MGMT: variants seen among roughly 807,000 people sequenced by gnomAD.
MGMT encodes the protein O-6-methylguanine-DNA methyltransferase.
Under a neutral mutation model 15.9 loss-of-function variants are expected in MGMT, and 14 were observed. The observed-to-expected ratio is 0.88, with a 90% CI of 0.58 to 1.37. The LOEUF (loss-of-function observed/expected upper bound fraction) is 1.37. Among genes scored for constraint, MGMT ranks in the 40% most tolerant of loss-of-function variants. MGMT has a pLI of 0.00. For synonymous variants in MGMT, 130 were observed against 118.2 expected (o/e 1.10, Z -0.65); for missense variants, 282 against 268.1 (o/e 1.05, Z -0.36).
At chr10:129,492,821 T>A (rs1002331400) in intron 1 of MGMT, among the ~76,000 whole-genome samples, 1 of 152,230 alleles carries the variant, frequency 6.6e-6, no homozygotes, top group African/African-American at 2.4e-5. Context: ...TGTGGGAACA[T>A]TGGGCTGCCT....
intron 1 of MGMT, among the ~76,000 whole-genome samples, chr10:129,512,254 T>C (rs1845692129): frequency 6.6e-6 from 1 of 152,188 alleles, no homozygotes; most frequent in South Asian, 2.1e-4. Flanking sequence ...TAGTACTGCT[T>C]GCTTCTTGTT....
At chr10:129,603,807 A>G (rs1269050351) in intron 2 of MGMT, among the ~76,000 whole-genome samples, 1 of 152,216 alleles carries the variant, frequency 6.6e-6, no homozygotes, top group African/African-American at 2.4e-5. Context: ...TAAGGGCTGT[A>G]TTGAAAATAA....
intron 1 of MGMT, among the ~76,000 whole-genome samples, chr10:129,508,095 T>TA (rs1241390903): frequency 6.6e-6 from 1 of 152,166 alleles, no homozygotes; most frequent in Non-Finnish European, 1.5e-5. Context: ...CCCTAATTCT[T>TA]AGGGACCTCT....
At chr10:129,741,772 T>C (rs1365371944) in intron 3 of MGMT, among the ~76,000 whole-genome samples, 2 of 152,086 alleles carry the variant, frequency 1.3e-5, no homozygotes, top group South Asian at 2.1e-4. Flanking sequence ...CCTGAGTCGG[T>C]TGAGACTCAT....
chr10:129,739,114 C>G (rs765878028), intron 3 of MGMT, among the ~76,000 whole-genome samples: 3 of 152,196 alleles, frequency 2.0e-5, no homozygotes, highest in Non-Finnish European at 4.4e-5. Flanking sequence ...GCGCTTCATG[C>G]TAAAAACTCT....
At chr10:129,652,718 T>G (rs1369850432) in intron 2 of MGMT, among the ~76,000 whole-genome samples, 2 of 152,082 alleles carry the variant, frequency 1.3e-5, no homozygotes, top group Non-Finnish European at 2.9e-5. Context: ...GAGAGTCAGC[T>G]GGTGCCAGAT....
At chr10:129,505,535 C>CT (rs1182283055) in intron 1 of MGMT, among the ~76,000 whole-genome samples, 1 of 152,146 alleles carries the variant, frequency 6.6e-6, no homozygotes, top group Non-Finnish European at 1.5e-5. Context: ...CACGGTGGTT[C>CT]TTTGTCTTAC....
chr10:129,667,654 G>A (rs1435010040), intron 2 of MGMT, among the ~76,000 whole-genome samples: 2 of 152,172 alleles, frequency 1.3e-5, no homozygotes, highest in Non-Finnish European at 2.9e-5. Flanking sequence ...CAGACTCACT[G>A]GTTATACGGT....
At chr10:129,476,502 A>C (rs1485754575) in intron 1 of MGMT, among the ~76,000 whole-genome samples, 2 of 152,138 alleles carry the variant, frequency 1.3e-5, no homozygotes, top group Non-Finnish European at 2.9e-5. Flanking sequence ...CGTGGTCTCC[A>C]GGGGTGTCCT....
Position 129,770,075 on chromosome 10 carries a change from C to G in MGMT, c.*3078C>G, listed in dbSNP as rs1340491621. Among the ~76,000 whole-genome samples the G allele has an allele frequency of 6.6e-6, 1 of 152,162 alleles. No individual in the cohort carries two copies. The highest frequency in any genetic ancestry group is 2.4e-5 in the African/African-American group (1 of 41,442). Reference sequence around the variant, plus strand: ...GGGTGGCTGGATGATGTGCTAGCAACTGAAACCATCTCTGCGACTTAAGCT... The same window carrying G: ...GGGTGGCTGGATGATGTGCTAGCAAGTGAAACCATCTCTGCGACTTAAGCT... On this transcript the variant is annotated 3_prime_UTR_variant, in exon 5 of 5. Coordinates refer to ENST00000651593, the MANE Select transcript of MGMT (RefSeq NM_002412.5).
chr10:129,610,971 C>CA (rs1846952802), intron 2 of MGMT, among the ~76,000 whole-genome samples: 2 of 152,198 alleles, frequency 1.3e-5, no homozygotes, highest in South Asian at 4.1e-4. Flanking sequence ...TTCCAGCCAA[C>CA]AGGATGATGG....
At chr10:129,471,669 A>C (rs1401035261) in intron 1 of MGMT, among the ~76,000 whole-genome samples, 2 of 152,140 alleles carry the variant, frequency 1.3e-5, no homozygotes, top group African/African-American at 4.8e-5. Context: ...TGCTGGCTAG[A>C]GAGGTCTCTC....
At chr10:129,522,947 T>G (rs1466537872) in intron 1 of MGMT, among the ~76,000 whole-genome samples, 1 of 152,254 alleles carries the variant, frequency 6.6e-6, no homozygotes, top group Non-Finnish European at 1.5e-5. Flanking sequence ...CTCTAAGAAG[T>G]CAGTGAAACT....
At chr10:129,644,502 T>C (rs1847363484) in intron 2 of MGMT, among the ~76,000 whole-genome samples, 1 of 152,096 alleles carries the variant, frequency 6.6e-6, no homozygotes, top group South Asian at 2.1e-4. Context: ...AGGACTCGAT[T>C]GAAGGGGTCC....
At chr10:129,541,437 G>T (rs1440404301) in intron 2 of MGMT, among the ~76,000 whole-genome samples, 1 of 152,218 alleles carries the variant, frequency 6.6e-6, no homozygotes, top group South Asian at 2.1e-4. Context: ...TCCCTGCAGT[G>T]CCCACAGTCT....
At chr10:129,708,567 C>A (rs1554879802) in intron 3 of MGMT, among the ~76,000 whole-genome samples, 1 of 152,184 alleles carries the variant, frequency 6.6e-6, no homozygotes, top group Non-Finnish European at 1.5e-5. Flanking sequence ...TGAGAACTTA[C>A]CTGTATGTAG....
intron 2 of MGMT, among the ~76,000 whole-genome samples, chr10:129,545,537 AG>A (rs1235844076): frequency 2.0e-5 from 3 of 152,138 alleles, no homozygotes; most frequent in Middle Eastern, 3.2e-3. Flanking sequence ...GTTTTAGAGG[AG>A]AAAAAGCTGA....
rs149134901 is a variant in MGMT, at chr10:129,502,655, G to A, written c.-12-33586G>A. Among the ~76,000 whole-genome samples, 40 of 152,206 alleles carry A rather than the reference G, an allele frequency of 2.6e-4. No homozygotes were observed. In the East Asian group the frequency reaches 7.2e-3, roughly 27 times the overall value. ...GAATTTTTTCCCCTGCATGAAGAGGGGTGACTGGGGATGGGGCCGCCTCCC... is the reference window on the plus strand; with the variant it reads ...GAATTTTTTCCCCTGCATGAAGAGGAGTGACTGGGGATGGGGCCGCCTCCC... On this transcript the variant is annotated intron_variant, in intron 1 of 4. Transcript: ENST00000651593.
At chr10:129,686,287 C>G (rs1463865328) in intron 2 of MGMT, among the ~76,000 whole-genome samples, 1 of 152,044 alleles carries the variant, frequency 6.6e-6, no homozygotes, top group African/African-American at 2.4e-5. Flanking sequence ...ATCCCTAAAT[C>G]AGCTTCCAAG....
Sources: allele counts gnomAD v4.1 joint callset (sites outside exome capture counted in the v4.1 genomes callset), GRCh38; gene constraint gnomAD v4.1.1; transcripts MANE v1.5; gene names NCBI Gene and HGNC (gene_info 2026-07-23, HGNC 2026-07-21).